Variants in TRIM71 observed in about 807,000 individuals in gnomAD.
The protein encoded by TRIM71 is tripartite motif containing 71.
In TRIM71, 9 loss-of-function variants were observed where a neutral mutation model predicts 61.2. The observed-to-expected ratio is 0.15, with a 90% CI of 0.09 to 0.26. The LOEUF is 0.26. Ranked by LOEUF, TRIM71 falls within the 10% of genes least tolerant of loss-of-function variation. TRIM71 has a pLI of 1.00. For missense variants in TRIM71, 998 were observed against 1,238.7 expected (o/e 0.81, Z 2.92); for synonymous variants, 645 against 553.2 (o/e 1.17, Z -2.33).
intron 1 of TRIM71, among the ~76,000 whole-genome samples, chr3:32,871,537 G>A (rs1412536479): frequency 6.6e-6 from 1 of 152,198 alleles, no homozygotes; most frequent in African/African-American, 2.4e-5. Context: ...AATGGAGAGA[G>A]CAAAGGAAAG....
At chr3:32,824,136 C>T (rs564733687) in intron 1 of TRIM71, among the ~76,000 whole-genome samples, 37 of 152,174 alleles carry the variant, frequency 2.4e-4, no homozygotes, top group African/African-American at 8.9e-4. Context: ...CTAGTTCTCC[C>T]TCCCATTGTA....
chr3:32,847,662 G>T (rs79664833), intron 1 of TRIM71, among the ~76,000 whole-genome samples: 2 of 152,344 alleles, frequency 1.3e-5, no homozygotes, highest in East Asian at 3.9e-4. Context: ...TTGACTATCT[G>T]TCTTGAGCTC....
At chr3:32,870,053 T>C (rs1203110011) in intron 1 of TRIM71, among the ~76,000 whole-genome samples, 1 of 152,208 alleles carries the variant, frequency 6.6e-6, no homozygotes, top group African/African-American at 2.4e-5. Flanking sequence ...TTTATTTCCT[T>C]AAAAATAATT....
rs1289921143 is a variant in TRIM71 at position 32,867,178 on chromosome 3, TC to T, written c.853-6635del. On this transcript the variant is annotated intron_variant, in intron 1 of 3. Transcript: ENST00000383763. ...GACACTCCCACTTTTACCACCCCCC[TC>T]CCCCTCCTCTTTTTTAGATCTTCAC... 1.5e-4 allele frequency among the ~76,000 whole-genome samples: 22 copies of T among 151,178 alleles called. No homozygotes were observed. The East Asian group carries it at 4.3e-3, about 29-fold the overall frequency.
intron 3 of TRIM71, 71 bp downstream of exon 3, chr3:32,886,139 G>C (rs996855422): frequency 6.7e-7 from 1 of 1,489,446 alleles, no homozygotes; most frequent in Middle Eastern, 2.0e-4. Flanking sequence ...CACTCTACGG[G>C]ACTCTTTACA....
At chr3:32,831,584 G>A (rs563860086) in intron 1 of TRIM71, among the ~76,000 whole-genome samples, 1 of 141,270 alleles carries the variant, frequency 7.1e-6, no homozygotes. Flanking sequence ...GGATGCCCAG[G>A]CTGGAGTACA....
chr3:32,854,745 C>G (rs1559543525), intron 1 of TRIM71, among the ~76,000 whole-genome samples: 1 of 152,220 alleles, frequency 6.6e-6, no homozygotes, highest in East Asian at 1.9e-4. Context: ...GGATACAGTG[C>G]TAACCACCCA....
intron 1 of TRIM71, among the ~76,000 whole-genome samples, chr3:32,821,040 A>G (rs147202876): frequency 6.6e-6 from 1 of 152,352 alleles, no homozygotes; most frequent in African/African-American, 2.4e-5. Context: ...GTAGAAGACT[A>G]AAGTGTTAGG....
rs760286729 is a variant in TRIM71, at chr3:32,890,347, C to G, written c.1156-13C>G. The G allele has an allele frequency of 5.5e-5, 88 of 1,601,884 alleles. No individual in the cohort carries two copies. The highest frequency in any genetic ancestry group is 7.4e-5 in the Non-Finnish European group (87 of 1,170,758). On this transcript the variant is annotated splice_polypyrimidine_tract_variant and intron_variant, in intron 3 of 3. Transcript: ENST00000383763. This position sits in a 1 kb window ranked among gnomAD's most constrained non-coding sequence, Gnocchi z 6.2. ...GCCTCTGTGTCTTTCTCCACTCTTG[C>G]TTTTCCCTCCAGGTAGAAAAGATCC...
intron 2 of TRIM71, among the ~76,000 whole-genome samples, chr3:32,875,693 G>C (rs577041214): frequency 7.9e-5 from 12 of 152,208 alleles, no homozygotes; most frequent in African/African-American, 2.9e-4. Context: ...AATTAGCCGG[G>C]TGTGGTGTGA....
intron 1 of TRIM71, among the ~76,000 whole-genome samples, chr3:32,821,310 C>T (rs551913384): frequency 6.6e-6 from 1 of 152,166 alleles, no homozygotes; most frequent in Non-Finnish European, 1.5e-5. Flanking sequence ...AGCTCCTTAA[C>T]TGAGTTGCTT....
rs1696092239 is a variant in TRIM71, at chr3:32,818,726, C to A, written c.646C>A (p.Gln216Lys). The A allele has an allele frequency of 6.3e-7, 1 of 1,598,428 alleles. No individual in the cohort carries two copies. Among genetic ancestry groups the A allele is most frequent in the Non-Finnish European group, 8.5e-7 (1 of 1,177,206 alleles). ...AGCTTCTTCGCGCTGCCTCGACTGC[C>A]AGGAGCACCTGTGCGACAACTGCGT... ...NAASSRCLDC[Q>K]EHLCDNCVRA... The change falls in exon 1 of 4, where the codon CAG becomes AAG. Residue 216 changes from glutamine to lysine, a missense_variant. Coordinates refer to ENST00000383763, the MANE Select transcript of TRIM71 (RefSeq NM_001039111.3).
rs1384690618 is a variant in TRIM71, at chr3:32,818,641, C to T, written c.561C>T (p.Ser187=). 3 of 1,467,066 alleles carry T rather than the reference C, an allele frequency of 2.0e-6. No homozygotes were observed. Among genetic ancestry groups the T allele is most frequent in the Admixed American group, 5.2e-5 (2 of 38,612 alleles). The allele number at this position is 1,467,066 out of a possible 1,614,324, so 90.9% of individuals were successfully genotyped here. ...SRSAPGGPAA[S]PSALLLRRPH... is the part of the protein sequence containing the mutation. ...CGGCACCCGGCGGCCCTGCCGCTTC[C>T]CCGTCGGCGCTGCTGCTCCGCCGTC... Residue 187 remains serine (S), a synonymous_variant, in exon 1 of 4, where the codon TCC becomes TCT. Coordinates refer to ENST00000383763, the MANE Select transcript of TRIM71 (RefSeq NM_001039111.3).
intron 1 of TRIM71, among the ~76,000 whole-genome samples, chr3:32,824,020 A>G (rs1268522922): frequency 6.6e-6 from 1 of 151,916 alleles, no homozygotes; most frequent in East Asian, 1.9e-4. Flanking sequence ...GGCCGCAGTG[A>G]TCCGAGATCG....
intron 1 of TRIM71, among the ~76,000 whole-genome samples, chr3:32,842,838 A>G (rs1486249396): frequency 6.6e-6 from 1 of 151,762 alleles, no homozygotes; most frequent in Non-Finnish European, 1.5e-5. Flanking sequence ...AGGTGAGAGG[A>G]AGTGGTTAAT....
chr3:32,890,896 G>A lies in TRIM71; in HGVS notation c.1692G>A (p.Val564=). ...PQLEGEHLVS[V]TLCNQHIENS... ...TGGAGGGTGAGCACCTGGTATCTGT[G>A]ACACTGTGCAACCAGCACATTGAGA... is the stretch of plus-strand genomic sequence containing the variant. Residue 564 remains valine, a synonymous_variant, in exon 4 of 4, where the codon GTG becomes GTA. Transcript: ENST00000383763. The surrounding 1 kb of genome is among the most constrained non-coding windows in gnomAD (Gnocchi z 6.2). The A allele has an allele frequency of 6.2e-7, 1 of 1,614,216 alleles. No homozygotes were observed. The highest frequency in any genetic ancestry group is 1.1e-5 in the South Asian group (1 of 91,082).
intron 1 of TRIM71, among the ~76,000 whole-genome samples, chr3:32,868,043 G>C (rs954154419): frequency 6.6e-6 from 1 of 152,024 alleles, no homozygotes; most frequent in Non-Finnish European, 1.5e-5. Flanking sequence ...CTGCCAGAAC[G>C]CAACACAACA....
intron 1 of TRIM71, among the ~76,000 whole-genome samples, chr3:32,869,179 C>T (rs1006071624): frequency 6.6e-6 from 1 of 152,136 alleles, no homozygotes; most frequent in African/African-American, 2.4e-5. Context: ...CCTGTTGTTG[C>T]CTCCACTTTA....
At position 32,828,502 on chromosome 3, in the gene TRIM71, CTTTTTTT is replaced by C. The variant is rs67014189; in HGVS notation, c.852+9587_852+9593del. ...CCCTACAATTGAAGGCAATTGTAAA[CTTTTTTT>C]TTTTTTTTTTTTTTTTGAGATGGAG... On this transcript the variant is annotated intron_variant, in intron 1 of 3. Transcript: ENST00000383763. 3.3e-4 allele frequency among the ~76,000 whole-genome samples: 31 copies of C among 93,248 alleles called. No individual in the cohort carries two copies. In the Admixed American group the frequency reaches 3.7e-3, roughly 11 times the overall value. The allele number at this position is 93,248 out of a possible 152,430, so 61.2% of individuals were successfully genotyped here. A position where few individuals can be genotyped will look rare whatever the true frequency, so the allele number is the denominator to read the frequency against.
Sources: allele counts gnomAD v4.1 joint callset (sites outside exome capture counted in the v4.1 genomes callset), GRCh38; gene constraint gnomAD v4.1.1; non-coding constraint Gnocchi (gnomAD v3.1); transcripts MANE v1.5; gene names NCBI Gene and HGNC (gene_info 2026-07-23, HGNC 2026-07-21).